The following GABRA5 variants were observed in gnomAD, a reference collection of about 807,000 sequenced individuals.
The protein encoded by GABRA5 is gamma-aminobutyric acid type A receptor subunit alpha5.
A neutral mutation model predicts 47.3 loss-of-function variants in GABRA5; 18 were observed. The observed-to-expected ratio is 0.38, with a 90% CI of 0.26 to 0.56. GABRA5 has a LOEUF of 0.56. Ranked by LOEUF, GABRA5 falls within the 20% of genes least tolerant of loss-of-function variation. The pLI is 0.71. For missense variants in GABRA5, 365 were observed against 599.3 expected, an observed-to-expected ratio of 0.61 and a Z score of 4.08; for synonymous variants, 237 against 229.3, an observed-to-expected ratio of 1.03 and a Z score of -0.30.
chr15:26,904,775 T>C (rs1893403745), intron 6 of GABRA5, among the ~76,000 whole-genome samples: 1 of 152,284 alleles, frequency 6.6e-6, no homozygotes, highest in South Asian at 2.1e-4. Context: ...TGGCTGTTCC[T>C]GATGTATAGG....
intron 6 of GABRA5, among the ~76,000 whole-genome samples, chr15:26,913,970 T>C (rs1893661592): frequency 6.6e-6 from 1 of 152,120 alleles, no homozygotes; most frequent in Non-Finnish European, 1.5e-5. Flanking sequence ...ACCTCACTTT[T>C]CTTCTTTGTA....
intron 3 of GABRA5, among the ~76,000 whole-genome samples, chr15:26,871,564 T>C (rs1365385053): frequency 6.6e-6 from 1 of 152,214 alleles, no homozygotes; most frequent in Admixed American, 6.5e-5. Flanking sequence ...ATATGTGCGA[T>C]ACAGAAGTCG....
chr15:26,893,067 CTG>C (rs1893052438), intron 6 of GABRA5, among the ~76,000 whole-genome samples: 1 of 143,704 alleles, frequency 7.0e-6, no homozygotes, highest in Non-Finnish European at 1.5e-5. Flanking sequence ...TGTGTGTACG[CTG>C]TGTGGCGTGT....
chr15:26,883,588 G>A lies in GABRA5; in HGVS notation c.497+31G>A, dbSNP rs1471901418. ...CGCCGGGCGGGGGCGGGCGGGGCCG[G>A]GGGACGGTGCGGGGCAGGCGCGGCT... On this transcript the variant is annotated intron_variant, in intron 6 of 10. Transcript: ENST00000335625. This position sits in a 1 kb window ranked among gnomAD's most constrained non-coding sequence, Gnocchi z 4.8. 1 of 1,484,566 alleles carries A rather than the reference G, an allele frequency of 6.7e-7. No homozygotes were observed. Among genetic ancestry groups the A allele is most frequent in the Non-Finnish European group, 9.1e-7 (1 of 1,094,798 alleles). 92.0% of individuals were successfully genotyped at this position (1,484,566 alleles called of 1,614,324 possible).
rs190458927 is a variant in GABRA5 at position 26,880,164 on chromosome 15, A to G, written c.87-682A>G. Among the ~76,000 whole-genome samples, 12 of 152,286 alleles carry G rather than the reference A, an allele frequency of 7.9e-5. No homozygotes were observed. The East Asian group carries it at 2.1e-3, about 27-fold the overall frequency. On this transcript the variant is annotated intron_variant, in intron 3 of 10. Coordinates refer to ENST00000335625, the MANE Select transcript of GABRA5 (RefSeq NM_000810.4). The stretch of plus-strand genomic sequence containing the variant: ...GAATCTGGATAACTTGATTGAACAA[A>G]CAAAAAATGTTCTTGTGTCTTCCCT...
At chr15:26,903,387 T>C (rs973518207) in intron 6 of GABRA5, among the ~76,000 whole-genome samples, 1 of 152,202 alleles carries the variant, frequency 6.6e-6, no homozygotes, top group Non-Finnish European at 1.5e-5. Context: ...TTCTTTGTCT[T>C]TGTATTGTGA....
chr15:26,906,751 A>G (rs998085759), intron 6 of GABRA5, among the ~76,000 whole-genome samples: 1 of 152,240 alleles, frequency 6.6e-6, no homozygotes, highest in Admixed American at 6.5e-5. Context: ...TCTGTTAAAA[A>G]GATTTATTAT....
At chr15:26,900,934 G>A (rs1327555486) in intron 6 of GABRA5, among the ~76,000 whole-genome samples, 1 of 152,042 alleles carries the variant, frequency 6.6e-6, no homozygotes, top group African/African-American at 2.4e-5. Flanking sequence ...TTCCCAGAAT[G>A]TCAAATAGTT....
intron 3 of GABRA5, among the ~76,000 whole-genome samples, chr15:26,873,250 A>G (rs1171044642): frequency 6.6e-6 from 1 of 152,252 alleles, no homozygotes; most frequent in East Asian, 1.9e-4. Flanking sequence ...TTAATTTATC[A>G]TCATTAAGAA....
intron 8 of GABRA5, 72 bp from the exon 9 acceptor site, chr15:26,939,853 C>T (rs1170853418): frequency 1.3e-6 from 2 of 1,516,412 alleles, no homozygotes; most frequent in Non-Finnish European, 1.8e-6. Context: ...AAGGGAGGCT[C>T]CTGGTGAACT....
intron 6 of GABRA5, among the ~76,000 whole-genome samples, chr15:26,908,716 C>T (rs1566876318): frequency 6.6e-6 from 1 of 152,222 alleles, no homozygotes; most frequent in Admixed American, 6.5e-5. Context: ...CTGAGAGTCA[C>T]GGGTAGCATC....
intron 6 of GABRA5, among the ~76,000 whole-genome samples, chr15:26,896,792 A>T (rs1432745044): frequency 6.6e-6 from 1 of 152,182 alleles, no homozygotes; most frequent in Non-Finnish European, 1.5e-5. Context: ...CCACCTGGTT[A>T]ACCCAGTCAT....
At chr15:26,911,367 GCATGCACA>G (rs1287714541) in intron 6 of GABRA5, among the ~76,000 whole-genome samples, 208 of 122,848 alleles carry the variant, frequency 1.7e-3, no homozygotes, top group African/African-American at 5.8e-3. Flanking sequence ...CACCCTTGCT[GCATGCACA>G]CACACACACA....
At chr15:26,871,272 G>A (rs888879876) in intron 3 of GABRA5, among the ~76,000 whole-genome samples, 10 of 152,304 alleles carry the variant, frequency 6.6e-5, no homozygotes, top group African/African-American at 2.2e-4. Flanking sequence ...CATTGAATAA[G>A]CATGAAATGG....
At chr15:26,878,114 C>T (rs1395020362) in intron 3 of GABRA5, among the ~76,000 whole-genome samples, 2 of 152,214 alleles carry the variant, frequency 1.3e-5, no homozygotes, top group African/African-American at 2.4e-5. Context: ...TGGTTTCCAC[C>T]TGTAGGACTC....
At chr15:26,924,716 G>A (rs1029612763) in intron 7 of GABRA5, among the ~76,000 whole-genome samples, 10 of 152,104 alleles carry the variant, frequency 6.6e-5, no homozygotes, top group Non-Finnish European at 1.2e-4. Flanking sequence ...CACGTTTTTT[G>A]GGGGGATGCT....
chr15:26,937,366 C>T, intron 8 of GABRA5, 38 bp downstream of exon 8: 1 of 1,562,224 alleles, frequency 6.4e-7, no homozygotes, highest in Middle Eastern at 1.8e-4. Context: ...CAGGCGCACT[C>T]AGGACACCAC....
intron 3 of GABRA5, among the ~76,000 whole-genome samples, chr15:26,874,603 T>A (rs1475572734): frequency 6.6e-6 from 1 of 152,182 alleles, no homozygotes; most frequent in African/African-American, 2.4e-5. Flanking sequence ...GTTACCACTA[T>A]GAAAACATTG....
chr15:26,944,796 G>A (rs934220118), intron 10 of GABRA5, among the ~76,000 whole-genome samples: 7 of 152,158 alleles, frequency 4.6e-5, no homozygotes, highest in Non-Finnish European at 8.8e-5. Flanking sequence ...GATGGTGCAT[G>A]ATGGATAGTG....
Sources: allele counts gnomAD v4.1 joint callset (sites outside exome capture counted in the v4.1 genomes callset), GRCh38; gene constraint gnomAD v4.1.1; non-coding constraint Gnocchi (gnomAD v3.1); transcripts MANE v1.5; gene names NCBI Gene and HGNC (gene_info 2026-07-23, HGNC 2026-07-21).